CD36: variants seen among roughly 807,000 people sequenced by gnomAD.
CD36 encodes the protein platelet glycoprotein 4.
In CD36, 119 loss-of-function variants were observed where a neutral mutation model predicts 55.2. The observed-to-expected ratio is 2.15, with a 90% CI of 1.86 to 2.51. The LOEUF is 2.51. Among genes scored for constraint, CD36 ranks in the 30% most tolerant of loss-of-function variants. CD36 has a pLI of 0.00. For synonymous variants in CD36, 186 were observed against 193.6 expected (o/e 0.96, Z 0.33); for missense variants, 819 against 555.5 (o/e 1.47, Z -4.77).
chr7:80,663,236 G>A lies in CD36; in HGVS notation c.609+67G>A, dbSNP rs1158009795. On this transcript the variant is annotated intron_variant, in intron 6 of 14. Transcript: ENST00000447544. The stretch of plus-strand genomic sequence containing the variant: ...TTAATTAATTCAATGGCATTGGCAA[G>A]GCATAATTTTATAATTTAGCTCATT... The A allele has an allele frequency of 1.2e-5, 16 of 1,346,094 alleles. No individual in the cohort carries two copies. The South Asian group carries it at 1.6e-4, about 14-fold the overall frequency. The allele number at this position is 1,346,094 out of a possible 1,614,324, so 83.4% of individuals were successfully genotyped here.
chr7:80,671,817 T>C (rs1797699016), intron 10 of CD36, 105 bp from the exon 11 acceptor site: 4 of 986,100 alleles, frequency 4.1e-6, no homozygotes, highest in Middle Eastern at 3.1e-4. Flanking sequence ...AAAAACCATG[T>C]ATTTTTTAAT....
In CD36 at chr7:80,651,754, A is replaced by C. The variant is rs575016203; in HGVS notation, c.121-4786A>C. 2.0e-5 allele frequency among the ~76,000 whole-genome samples: 3 copies of C among 152,134 alleles called. No homozygotes were observed. In the East Asian group the frequency reaches 5.8e-4, roughly 30 times the overall value. On this transcript the variant is annotated intron_variant, in intron 3 of 14. Coordinates refer to ENST00000447544, the MANE Select transcript of CD36 (RefSeq NM_001001548.3). ...AAAACCCCATCTCTACGAATAATACAAAAAAATTAGCTGGATATGGTTACA... is the reference window on the plus strand; with the variant it reads ...AAAACCCCATCTCTACGAATAATACCAAAAAATTAGCTGGATATGGTTACA...
At chr7:80,645,663 G>A (rs1795115010) in intron 1 of CD36, among the ~76,000 whole-genome samples, 1 of 151,980 alleles carries the variant, frequency 6.6e-6, no homozygotes, top group Non-Finnish European at 1.5e-5. Flanking sequence ...ACTTTATGAA[G>A]ACACCAAACA....
At chr7:80,660,286 A>ACTAG (rs1796418984) in intron 4 of CD36, among the ~76,000 whole-genome samples, 1 of 152,182 alleles carries the variant, frequency 6.6e-6, no homozygotes, top group African/African-American at 2.4e-5. Context: ...GGAGATTAGA[A>ACTAG]CTAGCAAAAG....
chr7:80,659,496 TC>T (rs1796358231), intron 4 of CD36, among the ~76,000 whole-genome samples: 1 of 152,164 alleles, frequency 6.6e-6, no homozygotes, highest in South Asian at 2.1e-4. Flanking sequence ...TAAAAAGTAA[TC>T]TTGAGAAAAG....
intron 11 of CD36, 50 bp from the exon 12 acceptor site, chr7:80,672,720 T>C: frequency 7.8e-7 from 1 of 1,287,674 alleles, no homozygotes; most frequent in South Asian, 1.2e-5. Flanking sequence ...TTGAATAGTA[T>C]AAAATAATGT....
In CD36 at chr7:80,657,127, G is replaced by A. The variant is rs150122256; in HGVS notation, c.281+427G>A. 3.7e-3 allele frequency among the ~76,000 whole-genome samples: 561 copies of A among 152,186 alleles called. 1 individual carries two copies. The highest frequency in any genetic ancestry group is 0.013 in the African/African-American group (532 of 41,536). Reference sequence around the variant, plus strand: ...ATATTTTAACAGTGGTTCTCAAAGTGTAGCTGGGCCACAGCAAAGTGCTGG... The same window carrying A: ...ATATTTTAACAGTGGTTCTCAAAGTATAGCTGGGCCACAGCAAAGTGCTGG... On this transcript the variant is annotated intron_variant, in intron 4 of 14. Coordinates refer to ENST00000447544, the MANE Select transcript of CD36 (RefSeq NM_001001548.3).
chr7:80,616,402 A>T (rs980007725), intron 1 of CD36, among the ~76,000 whole-genome samples: 1 of 150,076 alleles, frequency 6.7e-6, no homozygotes, highest in East Asian at 2.0e-4. Flanking sequence ...AAGTTGAATC[A>T]TTGTAAGTTG....
At position 80,661,110 on chromosome 7, in the gene CD36, A is replaced by G. The variant is rs754889451; in HGVS notation, c.329A>G (p.Asn110Ser). 5.6e-6 allele frequency: 9 copies of G among 1,613,084 alleles called. No homozygotes were observed. The Admixed American group carries it at 1.2e-4, about 21-fold the overall frequency. The change falls in exon 5 of 15, where the codon AAC becomes AGC. Residue 110 changes from asparagine (N) to serine (S), a missense_variant. By Grantham distance (46) the Asn-to-Ser change is conservative. Coordinates refer to ENST00000447544, the MANE Select transcript of CD36 (RefSeq NM_001001548.3). ...AATGTAACCCAGGACGCTGAGGACA[A>G]CACAGTCTCTTTCCTGCAGCCCAAT... ...KENVTQDAED[N>S]TVSFLQPNGA...
At chr7:80,637,610 G>T (rs921640259), upstream of CD36, among the ~76,000 whole-genome samples, 1 of 151,924 alleles carries the variant, frequency 6.6e-6, no homozygotes, top group Admixed American at 6.6e-5. Flanking sequence ...CAAATGAAAG[G>T]ATTCGTTGTG....
At chr7:80,605,225 T>A (rs1207403796) in intron 1 of CD36, among the ~76,000 whole-genome samples, 3 of 152,192 alleles carry the variant, frequency 2.0e-5, no homozygotes, top group Non-Finnish European at 4.4e-5. Flanking sequence ...CTTTATTCAT[T>A]GACATACTCT....
At position 80,671,165 on chromosome 7, in the gene CD36, G is replaced by C. The variant is rs139781126; in HGVS notation, c.1006+1G>C. On this transcript the variant is annotated splice_donor_variant, in intron 10 of 14. Transcript: ENST00000447544. LOFTEE classifies it high-confidence loss of function. ...CTAGACATCAGCAAATGCAAAGAAG[G>C]TGAGTAAATAACCTCAGTAGCACAG... is the stretch of plus-strand genomic sequence containing the variant. 1.3e-6 allele frequency: 2 copies of C among 1,596,320 alleles called. No homozygotes were observed. Among genetic ancestry groups the C allele is most frequent in the Admixed American group, 1.7e-5 (1 of 59,912 alleles).
chr7:80,669,704 C>A (rs1245752054), intron 8 of CD36, among the ~76,000 whole-genome samples: 1 of 152,108 alleles, frequency 6.6e-6, no homozygotes, highest in Non-Finnish European at 1.5e-5. Flanking sequence ...ACCATGTAGG[C>A]CAGGCTGGTC....
At chr7:80,645,336 A>G (rs988248462) in intron 1 of CD36, among the ~76,000 whole-genome samples, 3 of 151,080 alleles carry the variant, frequency 2.0e-5, no homozygotes, top group African/African-American at 4.9e-5. Context: ...ATCTTTATAT[A>G]ATAATCACAT....
In CD36 at chr7:80,661,189, A is replaced by T. The variant is rs769328281; in HGVS notation, c.408A>T (p.Thr136=). 2 of 1,614,028 alleles carry T rather than the reference A, an allele frequency of 1.2e-6. No individual in the cohort carries two copies. The highest frequency in any genetic ancestry group is 2.2e-5 in the South Asian group (2 of 91,088). ...TTGGAACAGAGGCTGACAACTTCAC[A>T]GTTCTCAATCTGGCTGTGGCAGTGA... ...LSVGTEADNF[T]VLNLAVAAAS... The change falls in exon 5 of 15, where the codon ACA becomes ACT. Residue 136 remains threonine (T), a synonymous_variant. Coordinates refer to ENST00000447544, the MANE Select transcript of CD36 (RefSeq NM_001001548.3).
chr7:80,643,168 C>T (rs1333149308), intron 1 of CD36, among the ~76,000 whole-genome samples: 3 of 152,116 alleles, frequency 2.0e-5, no homozygotes, highest in African/African-American at 7.2e-5. Flanking sequence ...AGAAACTCTT[C>T]TCTGTAGTGC....
chr7:80,623,942 A>C (rs568597304), intron 1 of CD36: 1 of 151,688 alleles, frequency 6.6e-6, no homozygotes, highest in South Asian at 2.1e-4. Context: ...TGGAGAGGTT[A>C]ACAAACACTG....
rs200684873 is a variant in CD36 at position 80,656,631 on chromosome 7, A to C, written c.212A>C (p.Gln71Pro). The change falls in exon 4 of 15, where the codon CAA becomes CCA. Residue 71 changes from glutamine (Q) to proline (P), a missense_variant. Coordinates refer to ENST00000447544, the MANE Select transcript of CD36 (RefSeq NM_001001548.3). ...VYRQFWIFDVQNPQEVMMNSS... is the reference protein window; with the variant it reads ...VYRQFWIFDVPNPQEVMMNSS... ...AGACAGTTTTGGATCTTTGATGTGC[A>C]AAATCCACAGGAAGTGATGATGAAC... The C allele has an allele frequency of 1.9e-6, 3 of 1,613,872 alleles. No individual in the cohort carries two copies. Among genetic ancestry groups the C allele is most frequent in the Non-Finnish European group, 2.5e-6 (3 of 1,179,822 alleles).
chr7:80,626,656 G>A (rs544744659), intron 1 of CD36, among the ~76,000 whole-genome samples: 2 of 152,116 alleles, frequency 1.3e-5, no homozygotes, highest in East Asian at 3.9e-4. Context: ...ACAGTATTAT[G>A]TATTTTTAAA....
Sources: allele counts gnomAD v4.1 joint callset (sites outside exome capture counted in the v4.1 genomes callset), GRCh38; gene constraint gnomAD v4.1.1; transcripts MANE v1.5; gene names NCBI Gene and HGNC (gene_info 2026-07-23, HGNC 2026-07-21).